The following F12 variants were observed in gnomAD, a reference collection of about 807,000 sequenced individuals.
The protein encoded by F12 is coagulation factor XII.
Under a neutral mutation model 74.8 loss-of-function variants are expected in F12, and 70 were observed. The ratio of observed to expected loss-of-function variants is 0.94; its 90% CI spans 0.77 to 1.14. The LOEUF (loss-of-function observed/expected upper bound fraction) is 1.14. Ranked by LOEUF, F12 falls within the 50% of genes most tolerant of loss-of-function variation. The probability of loss-of-function intolerance (pLI) is 0.00; values close to 1 mark genes in which losing one functional copy is unlikely to be tolerated. For synonymous variants in F12, 373 were observed against 356.4 expected (o/e 1.05, Z -0.52); for missense variants, 811 against 835.7 (o/e 0.97, Z 0.36).
At chr5:177,408,490 G>C (rs1763338906) in intron 2 of F12, among the ~76,000 whole-genome samples, 1 of 152,234 alleles carries the variant, frequency 6.6e-6, no homozygotes, top group Admixed American at 6.5e-5. Context: ...GCATTTCCAT[G>C]CACCAGGTGA....
chr5:177,404,981 G>A, intron 6 of F12, 67 bp from the exon 7 acceptor site: 1 of 1,589,042 alleles, frequency 6.3e-7, no homozygotes, highest in Non-Finnish European at 8.5e-7. Flanking sequence ...CTCCTTCCTG[G>A]CACACCACCC....
At position 177,405,996 on chromosome 5, in the gene F12, A is replaced by G. The variant is rs769697091; in HGVS notation, c.181T>C (p.Cys61Arg). 7.4e-6 allele frequency: 12 copies of G among 1,613,948 alleles called. No homozygotes were observed. The Admixed American group carries it at 8.3e-5, about 11-fold the overall frequency. ...FQYHRQLYHK[C>R]THKGRPGPQP... The stretch of plus-strand genomic sequence containing the variant: ...GGGCCTGGCCGGCCCTTGTGGGTAC[A>G]TTTGTGGTACAGCTGCCGGTGGTAC... Residue 61 changes from cysteine to arginine, a missense_variant, in exon 3 of 14, where the codon TGT (cysteine) becomes CGT (arginine). Transcript: ENST00000253496.
At chr5:177,407,935 T>C (rs1256229671) in intron 2 of F12, among the ~76,000 whole-genome samples, 1 of 151,332 alleles carries the variant, frequency 6.6e-6, no homozygotes, top group Non-Finnish European at 1.5e-5. Flanking sequence ...GCTGAGGGAG[T>C]CCAGGGTTGG....
chr5:177,402,797 C>G (rs187873807), intron 12 of F12, 99 bp from the exon 13 acceptor site: 24 of 1,522,922 alleles, frequency 1.6e-5, no homozygotes, highest in Non-Finnish European at 2.1e-5. Context: ...CCACTCATGC[C>G]CTTCCTCTCT....
Position 177,402,562 on chromosome 5 carries a change from G to T in F12, c.1668C>A (p.Thr556=), listed in dbSNP as rs777228489. Residue 556 remains threonine, a synonymous_variant, in exon 13 of 14, where the codon ACC becomes ACA. Coordinates refer to ENST00000253496, the MANE Select transcript of F12 (RefSeq NM_000505.4). ...MLCAGFLEGG[T]DACQGDSGGP... is the part of the protein sequence containing the mutation. ...GCTAAGAGCTCACCTGGCACGCATC[G>T]GTGCCGCCCTCGAGGAACCCTGCGC... 1.2e-6 allele frequency: 2 copies of T among 1,611,808 alleles called. No homozygotes were observed. Among genetic ancestry groups the T allele is most frequent in the Non-Finnish European group, 1.7e-6 (2 of 1,179,398 alleles).
At position 177,403,393 on chromosome 5, in the gene F12, C is replaced by G. The variant is rs1437516168; in HGVS notation, c.1392G>C (p.Leu464=). The change falls in exon 12 of 14, where the codon CTG becomes CTC. Residue 464 remains leucine, a synonymous_variant. Transcript: ENST00000253496. ...CGTCCGCATCCTCCTGAAGGCGCAA[C>G]AGAGCTAACCCGGGCGGAGAGGAGC... ...SPVSYQHDLA[L]LRLQEDADGS... is the part of the protein sequence containing the mutation. 1 of 1,595,838 alleles carries G rather than the reference C, an allele frequency of 6.3e-7. No homozygotes were observed. Among genetic ancestry groups the G allele is most frequent in the Admixed American group, 1.7e-5 (1 of 59,402 alleles).
In F12 at chr5:177,406,069, G is replaced by T; in HGVS notation, c.116-8C>A. ...CCCCGGTGACAGTGAGAACTGCAGG[G>T]ACAACACACTCTCTGAGGACTTCCC... On this transcript the variant is annotated splice_region_variant and splice_polypyrimidine_tract_variant and intron_variant, in intron 2 of 13. Transcript: ENST00000253496. 2 of 1,612,082 alleles carry T rather than the reference G, an allele frequency of 1.2e-6. No individual in the cohort carries two copies. The highest frequency in any genetic ancestry group is 1.7e-6 in the Non-Finnish European group (2 of 1,178,292).
intron 2 of F12, 136 bp downstream of exon 2, chr5:177,408,910 C>G: frequency 1.2e-6 from 1 of 853,040 alleles, no homozygotes; most frequent in Non-Finnish European, 1.9e-6. Flanking sequence ...TCACACAGCT[C>G]ACGATCACTC....
intron 2 of F12, among the ~76,000 whole-genome samples, chr5:177,406,426 T>C (rs1763298840): frequency 6.6e-6 from 1 of 151,966 alleles, no homozygotes; most frequent in Non-Finnish European, 1.5e-5. Flanking sequence ...GAGGCGGAGC[T>C]TGCAGTGAGC....
chr5:177,402,664 C>A lies in F12; in HGVS notation c.1566G>T (p.Ala522=). 6.2e-7 allele frequency: 1 copy of A among 1,612,562 alleles called. No individual in the cohort carries two copies. Among genetic ancestry groups the A allele is most frequent in the Non-Finnish European group, 8.5e-7 (1 of 1,180,016 alleles). ...GCTCCAGGGAGAGGAACGGTACCTGCGCCTCCTGCAGGAAGCTGGCATATT... is the reference window on the plus strand; with the variant it reads ...GCTCCAGGGAGAGGAACGGTACCTGAGCCTCCTGCAGGAAGCTGGCATATT... The part of the protein sequence containing the change: ...AEEYASFLQE[A]QVPFLSLERC... Residue 522 remains alanine (A), a synonymous_variant, in exon 13 of 14, where the codon GCG becomes GCT. Coordinates refer to ENST00000253496, the MANE Select transcript of F12 (RefSeq NM_000505.4).
At position 177,406,217 on chromosome 5, in the gene F12, G is replaced by A. The variant is rs17876027; in HGVS notation, c.116-156C>T. Among the ~76,000 whole-genome samples, 1,410 of 152,320 alleles carry A rather than the reference G, an allele frequency of 9.3e-3. 21 individuals are homozygous for A. The highest frequency in any genetic ancestry group is 0.064 in the East Asian group (330 of 5,186). ...AAAAGTTGGGTTCAGGGCCGGGCGCGGTGGCTCAAGCCTGTAATCCCAGCA... is the reference window on the plus strand; with the variant it reads ...AAAAGTTGGGTTCAGGGCCGGGCGCAGTGGCTCAAGCCTGTAATCCCAGCA... On this transcript the variant is annotated intron_variant, in intron 2 of 13. Coordinates refer to ENST00000253496, the MANE Select transcript of F12 (RefSeq NM_000505.4).
chr5:177,407,997 G>A (rs927183895), intron 2 of F12, among the ~76,000 whole-genome samples: 5 of 151,974 alleles, frequency 3.3e-5, no homozygotes, highest in African/African-American at 9.7e-5. Context: ...ACCAAGTCAG[G>A]CCCACCAGGG....
In F12 at chr5:177,404,900, G is replaced by T; in HGVS notation, c.544C>A (p.Pro182Thr). The change falls in exon 7 of 14, where the codon CCG becomes ACG. Residue 182 changes from proline (P) to threonine (T), a missense_variant. Transcript: ENST00000253496. ...AGGCAGCGACCCCCATGGAGGCACGGGTTGGTGCGGCAGGCTTGGGGAGGG... is the reference window on the plus strand; with the variant it reads ...AGGCAGCGACCCCCATGGAGGCACGTGTTGGTGCGGCAGGCTTGGGGAGGG... ...RLASQACRTN[P>T]CLHGGRCLEV... 2.5e-6 allele frequency: 4 copies of T among 1,605,916 alleles called. No homozygotes were observed. Among genetic ancestry groups the T allele is most frequent in the Non-Finnish European group, 3.4e-6 (4 of 1,177,850 alleles).
Position 177,404,510 on chromosome 5 carries a change from G to A in F12, c.789C>T (p.His263=). The A allele has an allele frequency of 1.3e-6, 2 of 1,593,076 alleles. No individual in the cohort carries two copies. The highest frequency in any genetic ancestry group is 1.1e-5 in the South Asian group (1 of 89,096). Residue 263 remains histidine, a synonymous_variant, in exon 8 of 14, where the codon CAC becomes CAT. Coordinates refer to ENST00000253496, the MANE Select transcript of F12 (RefSeq NM_000505.4). ...CCCACGCGGCGCACCGGCAGAAGGCGTGGCCGCCCAGTCCCCAGTTCCGCG... is the reference window on the plus strand; with the variant it reads ...CCCACGCGGCGCACCGGCAGAAGGCATGGCCGCCCAGTCCCCAGTTCCGCG... ...EQARNWGLGG[H]AFCRNPDNDI...
Position 177,405,115 on chromosome 5 carries a change from T to C in F12, c.468A>G (p.Ala156=). Residue 156 remains alanine, a synonymous_variant, in exon 6 of 14, where the codon GCA becomes GCG. Coordinates refer to ENST00000253496, the MANE Select transcript of F12 (RefSeq NM_000505.4). The stretch of plus-strand genomic sequence containing the variant: ...CCTTGCACTGGCATCTGGCCACAGC[T>C]GCTTGCTCAGTTCTATACCATATCT... ...KNEIWYRTEQ[A]AVARCQCKGP... 2 of 1,613,850 alleles carry C rather than the reference T, an allele frequency of 1.2e-6. No homozygotes were observed. The highest frequency in any genetic ancestry group is 1.7e-6 in the Non-Finnish European group (2 of 1,180,028).
At chr5:177,402,879 A>G (rs1763174735) in intron 12 of F12, 181 bp from the exon 13 acceptor site, 3 of 883,998 alleles carry the variant, frequency 3.4e-6, no homozygotes, top group African/African-American at 3.3e-5. Context: ...GTCCAGAGAA[A>G]AGCCAGGATT....
chr5:177,404,384 C>T lies in F12; in HGVS notation c.830G>A (p.Cys277Tyr), dbSNP rs760058204. The T allele has an allele frequency of 1.3e-5, 21 of 1,612,116 alleles. No homozygotes were observed. The highest frequency in any genetic ancestry group is 3.3e-5 in the South Asian group (3 of 91,010). Residue 277 changes from cysteine to tyrosine, a missense_variant, in exon 9 of 14, where the codon TGC becomes TAC. Physicochemically the swap from Cys to Tyr is radical, Grantham distance 194 (BLOSUM62 -2). Transcript: ENST00000253496. ...CAGCCGGTCGCGGTTCAGCACGAAGCACCACGGGCGGATGTCGTTGTCCGG... is the reference window on the plus strand; with the variant it reads ...CAGCCGGTCGCGGTTCAGCACGAAGTACCACGGGCGGATGTCGTTGTCCGG... ...RNPDNDIRPW[C>Y]FVLNRDRLSW... is the part of the protein sequence containing the mutation.
chr5:177,407,590 G>A (rs1384731441), intron 2 of F12, among the ~76,000 whole-genome samples: 3 of 152,132 alleles, frequency 2.0e-5, no homozygotes, highest in African/African-American at 7.2e-5. Flanking sequence ...TTCGAGACCA[G>A]CCTGGCCAAC....
At position 177,404,509 on chromosome 5, in the gene F12, C is replaced by G; in HGVS notation, c.790G>C (p.Ala264Pro). 6.3e-7 allele frequency: 1 copy of G among 1,592,488 alleles called. No individual in the cohort carries two copies. Among genetic ancestry groups the G allele is most frequent in the Non-Finnish European group, 8.5e-7 (1 of 1,169,998 alleles). ...QARNWGLGGH[A>P]FCRNPDNDIR... is the part of the protein sequence containing the mutation. ...CCCCACGCGGCGCACCGGCAGAAGG[C>G]GTGGCCGCCCAGTCCCCAGTTCCGC... is the stretch of plus-strand genomic sequence containing the variant. Residue 264 changes from alanine to proline, a missense_variant, in exon 8 of 14, where the codon GCC (alanine) becomes CCC (proline). Coordinates refer to ENST00000253496, the MANE Select transcript of F12 (RefSeq NM_000505.4).
Sources: gnomAD v4.1 joint callset for allele counts (sites outside exome capture counted in the v4.1 genomes callset) on GRCh38, gnomAD v4.1.1 for gene constraint, MANE v1.5 for transcripts, NCBI Gene and HGNC (gene_info 2026-07-23, HGNC 2026-07-21) for gene names.